The following SLC24A2 variants were observed in gnomAD, a reference collection of about 807,000 sequenced individuals.
The protein encoded by SLC24A2 is solute carrier family 24 member 2, also known as sodium/potassium/calcium exchanger 2.
In SLC24A2, 36 loss-of-function variants were observed where a neutral mutation model predicts 62.0. The observed-to-expected ratio is 0.58, with a 90% CI of 0.44 to 0.77. The LOEUF (loss-of-function observed/expected upper bound fraction) is 0.77. Ranked by LOEUF, SLC24A2 falls within the 30% of genes least tolerant of loss-of-function variation. The pLI is 0.00. For synonymous variants in SLC24A2, 358 were observed against 294.0 expected (o/e 1.22, Z -2.23); for missense variants, 846 against 817.9 (o/e 1.03, Z -0.42).
intron 7 of SLC24A2, among the ~76,000 whole-genome samples, chr9:19,556,296 G>A (rs920045590): frequency 3.3e-5 from 5 of 152,140 alleles, no homozygotes; most frequent in African/African-American, 9.7e-5. Context: ...TCAGGTCTTC[G>A]GTGGAGAAGC....
intron 2 of SLC24A2, among the ~76,000 whole-genome samples, chr9:19,739,511 CATACTT>C (rs760203680): frequency 2.6e-5 from 4 of 152,142 alleles, no homozygotes; most frequent in Non-Finnish European, 4.4e-5. Context: ...GAAACAAACT[CATACTT>C]ATACCATCAC....
At chr9:20,160,245 A>T in the SLC24A2 span, among the ~76,000 whole-genome samples, 1 of 151,506 alleles carries the variant, frequency 6.6e-6, no homozygotes, top group African/African-American at 2.4e-5. Flanking sequence ...AACATTTAAC[A>T]GTTATAAATA....
At chr9:19,808,671 G>A in the SLC24A2 span, among the ~76,000 whole-genome samples, 1 of 152,188 alleles carries the variant, frequency 6.6e-6, no homozygotes, top group Non-Finnish European at 1.5e-5. The surrounding 1 kb of genome is among the most constrained non-coding windows in gnomAD (Gnocchi z 4.1). Flanking sequence ...GCACTATGGG[G>A]TTACAGTCTT....
intron 2 of SLC24A2, among the ~76,000 whole-genome samples, chr9:19,758,873 T>C (rs1822225909): frequency 6.6e-6 from 1 of 152,186 alleles, no homozygotes; most frequent in African/African-American, 2.4e-5. Flanking sequence ...ACACATTCTC[T>C]TGTTCTACTA....
chr9:19,642,789 T>G (rs1488452219), intron 2 of SLC24A2, among the ~76,000 whole-genome samples: 1 of 148,994 alleles, frequency 6.7e-6, no homozygotes, highest in African/African-American at 2.5e-5. Flanking sequence ...CAAGCCATTC[T>G]TCTGCCTCAG....
intron 5 of SLC24A2, among the ~76,000 whole-genome samples, chr9:19,596,068 T>C (rs1836696200): frequency 6.6e-6 from 1 of 152,140 alleles, no homozygotes; most frequent in East Asian, 1.9e-4. Flanking sequence ...TGGTGGTTAA[T>C]TTAAAGCACA....
intron 7 of SLC24A2, among the ~76,000 whole-genome samples, chr9:19,565,477 A>C (rs1356715939): frequency 1.3e-5 from 2 of 151,178 alleles, no homozygotes; most frequent in East Asian, 3.9e-4. Flanking sequence ...GATACAAACA[A>C]ATGGAAGAAC....
chr9:19,895,224 A>AT, the SLC24A2 span, among the ~76,000 whole-genome samples: 2 of 149,734 alleles, frequency 1.3e-5, no homozygotes, highest in Non-Finnish European at 3.0e-5. Flanking sequence ...ACCAAGGTTT[A>AT]TTTTGTTTTT....
chr9:19,647,034 TTCTC>T (rs1033942284), intron 2 of SLC24A2, among the ~76,000 whole-genome samples: 19 of 137,872 alleles, frequency 1.4e-4, no homozygotes, highest in East Asian at 1.1e-3. Context: ...TTAATTTCCT[TTCTC>T]TCTCTCTTTC....
chr9:20,297,041 T>C, the SLC24A2 span, among the ~76,000 whole-genome samples: 7 of 152,198 alleles, frequency 4.6e-5, no homozygotes, highest in African/African-American at 1.7e-4. Flanking sequence ...TTGGGGATTT[T>C]GGACTAGGAA....
intron 2 of SLC24A2, among the ~76,000 whole-genome samples, chr9:19,686,944 A>G (rs1474989193): frequency 6.6e-6 from 1 of 152,170 alleles, no homozygotes; most frequent in Non-Finnish European, 1.5e-5. Context: ...ATGGAATACC[A>G]TGCAGCCATA....
the SLC24A2 span, among the ~76,000 whole-genome samples, chr9:19,962,738 T>A: frequency 6.6e-6 from 1 of 152,250 alleles, no homozygotes; most frequent in South Asian, 2.1e-4. Flanking sequence ...AAGCTGCTTA[T>A]CAGCTTAAGG....
chr9:20,197,927 A>G, the SLC24A2 span, among the ~76,000 whole-genome samples: 1 of 152,226 alleles, frequency 6.6e-6, no homozygotes, highest in East Asian at 1.9e-4. Flanking sequence ...TAACCCTGAC[A>G]TCACTGTCCC....
intron 8 of SLC24A2, among the ~76,000 whole-genome samples, chr9:19,544,478 C>T (rs1052961085): frequency 5.9e-5 from 9 of 152,036 alleles, no homozygotes; most frequent in African/African-American, 1.9e-4. Context: ...CATTATGATG[C>T]TAACTGGTTA....
chr9:19,891,353 A>G, the SLC24A2 span, among the ~76,000 whole-genome samples: 5 of 152,320 alleles, frequency 3.3e-5, no homozygotes, highest in East Asian at 7.7e-4. Flanking sequence ...TTCACTCTCT[A>G]ATATAAAACA....
intron 8 of SLC24A2, among the ~76,000 whole-genome samples, chr9:19,533,391 G>A (rs1833800571): frequency 6.6e-6 from 1 of 152,182 alleles, no homozygotes; most frequent in Non-Finnish European, 1.5e-5. Context: ...ACAATACTTT[G>A]CTGCTCCTCT....
At chr9:20,217,632 G>A in the SLC24A2 span, among the ~76,000 whole-genome samples, 1 of 152,060 alleles carries the variant, frequency 6.6e-6, no homozygotes, top group African/African-American at 2.4e-5. Flanking sequence ...CACATCGGGG[G>A]GTAAACAAAG....
chr9:20,262,266 G>A, the SLC24A2 span, among the ~76,000 whole-genome samples: 1 of 152,162 alleles, frequency 6.6e-6, no homozygotes, highest in South Asian at 2.1e-4. Context: ...AACATGGTTT[G>A]AATCTTTGTT....
intron 4 of SLC24A2, among the ~76,000 whole-genome samples, chr9:19,601,043 C>A (rs752062456): frequency 2.0e-4 from 30 of 152,002 alleles, no homozygotes; most frequent in Non-Finnish European, 4.0e-4. Flanking sequence ...TAAAACGCAC[C>A]AATCAGCACT....
Sources: gnomAD v4.1 joint callset for allele counts (sites outside exome capture counted in the v4.1 genomes callset) on GRCh38, gnomAD v4.1.1 for gene constraint, Gnocchi (gnomAD v3.1) non-coding constraint, MANE v1.5 for transcripts, NCBI Gene and HGNC (gene_info 2026-07-23, HGNC 2026-07-21) for gene names.